Variants in GNLY observed in about 807,000 individuals in gnomAD.
GNLY encodes T-cell activation protein 519.
Under a neutral mutation model 18.5 loss-of-function variants are expected in GNLY, and 15 were observed. The observed-to-expected ratio is 0.81, with a 90% CI of 0.54 to 1.25. The LOEUF is 1.25. Ranked by LOEUF, GNLY falls within the 50% of genes most tolerant of loss-of-function variation. The pLI, the probability that GNLY is intolerant of heterozygous loss-of-function variation, is 0.00. For synonymous variants in GNLY, 77 were observed against 74.9 expected (o/e 1.03, Z -0.14); for missense variants, 178 against 186.9 (o/e 0.95, Z 0.28).
intron 1 of GNLY, chr2:85,694,789 C>T (rs1678373870): frequency 1.4e-6 from 2 of 1,448,130 alleles, no homozygotes; most frequent in Non-Finnish European, 1.8e-6. Flanking sequence ...AGGCCATTGG[C>T]CCTCATCGGT....
chr2:85,695,764 C>T (rs1273879876), intron 2 of GNLY, among the ~76,000 whole-genome samples, 194 bp from the exon 3 acceptor site: 1 of 152,118 alleles, frequency 6.6e-6, no homozygotes, highest in African/African-American at 2.4e-5. Context: ...TGGGGTGTCT[C>T]AGAGCCTCTA....
At chr2:85,696,078 G>A (rs776856779) in intron 3 of GNLY, 22 bp downstream of exon 3, 1 of 1,351,568 alleles carries the variant, frequency 7.4e-7, no homozygotes, top group South Asian at 1.2e-5. Context: ...GGGCTACAGA[G>A]CCTCCTGTCT....
intron 3 of GNLY, 145 bp from the exon 4 acceptor site, chr2:85,697,361 C>T: frequency 1.4e-6 from 1 of 710,098 alleles, no homozygotes; most frequent in Non-Finnish European, 2.4e-6. Flanking sequence ...TGAGCCCCGT[C>T]TGTACAGTCT....
At chr2:85,697,812 G>A in intron 4 of GNLY, 135 bp downstream of exon 4, 1 of 652,330 alleles carries the variant, frequency 1.5e-6, no homozygotes, top group Non-Finnish European at 2.7e-6. Flanking sequence ...ATGGACTTTA[G>A]CTAGAAATGT....
chr2:85,694,738 C>T (rs1678372092), intron 1 of GNLY: 3 of 1,437,646 alleles, frequency 2.1e-6, no homozygotes, highest in African/African-American at 2.9e-5. Context: ...CTGAGACCCC[C>T]CTTTCCCTCC....
chr2:85,697,683 T>C lies in GNLY; in HGVS notation c.427+6T>C. 1 of 1,602,992 alleles carries C rather than the reference T, an allele frequency of 6.2e-7. No homozygotes were observed. Among genetic ancestry groups the C allele is most frequent in the Middle Eastern group, 1.7e-4 (1 of 5,968 alleles). On this transcript the variant is annotated splice_donor_region_variant and intron_variant, in intron 4 of 4. Coordinates refer to ENST00000263863, the MANE Select transcript of GNLY (RefSeq NM_006433.5). ...GTTGTGTATACCTTCTACAGGTGAG[T>C]GCAGAGGTGACAGCAGGGATACCTC...
At position 85,698,684 on chromosome 2, in the gene GNLY, A is replaced by T. The variant is rs1678561488; in HGVS notation, c.*110A>T. 1 of 1,604,536 alleles carries T rather than the reference A, an allele frequency of 6.2e-7. No individual in the cohort carries two copies. Among genetic ancestry groups the T allele is most frequent in the African/African-American group, 1.3e-5 (1 of 74,854 alleles). On this transcript the variant is annotated 3_prime_UTR_variant, in exon 5 of 5. Coordinates refer to ENST00000263863, the MANE Select transcript of GNLY (RefSeq NM_006433.5). Reference sequence around the variant, plus strand: ...TTCCTCGATCCAGAATCCACTCTCCAGTCTCCCTCCCCTGACTCCCTCTGC... The same window carrying T: ...TTCCTCGATCCAGAATCCACTCTCCTGTCTCCCTCCCCTGACTCCCTCTGC...
At chr2:85,697,739 A>T in intron 4 of GNLY, 62 bp downstream of exon 4, 1 of 1,172,046 alleles carries the variant, frequency 8.5e-7, no homozygotes, top group Non-Finnish European at 1.3e-6. Context: ...CCCCCAGGAT[A>T]TATCAAAGCT....
At chr2:85,694,733 A>AC (rs1452925990) in intron 1 of GNLY, 24 of 1,425,060 alleles carry the variant, frequency 1.7e-5, no homozygotes, top group South Asian at 1.2e-4. Flanking sequence ...GTGGCCTGAG[A>AC]CCCCCCTTTC....
chr2:85,695,473 C>T (rs766688955), intron 2 of GNLY, 50 bp downstream of exon 2: 4 of 1,122,852 alleles, frequency 3.6e-6, no homozygotes, highest in Non-Finnish European at 5.4e-6. Context: ...CCTTTCCCTC[C>T]TCCCTGGTGG....
intron 4 of GNLY, chr2:85,698,347 G>T: frequency 1.3e-6 from 1 of 751,084 alleles, no homozygotes; most frequent in East Asian, 2.7e-5. Flanking sequence ...CTGGCAGATC[G>T]GGGGTCCCCA....
intron 2 of GNLY, 86 bp from the exon 3 acceptor site, chr2:85,695,872 G>A (rs1678423729): frequency 2.7e-6 from 2 of 745,736 alleles, no homozygotes; most frequent in African/African-American, 3.5e-5. Context: ...GCCGGCCTCA[G>A]AAACACAAAG....
At chr2:85,695,184 C>T in intron 1 of GNLY, 136 bp from the exon 2 acceptor site, 1 of 809,760 alleles carries the variant, frequency 1.2e-6, no homozygotes, top group Non-Finnish European at 2.1e-6. Context: ...AGCATGTGGA[C>T]AGGTATCCTG....
intron 1 of GNLY, chr2:85,694,844 G>A: frequency 1.3e-6 from 2 of 1,523,010 alleles, no homozygotes; most frequent in Admixed American, 2.1e-5. Flanking sequence ...ATTGTGCGGG[G>A]CTGGTGAGAG....
chr2:85,698,527 C>T (rs199690779), intron 4 of GNLY, 37 bp from the exon 5 acceptor site: 29 of 1,613,116 alleles, frequency 1.8e-5, no homozygotes, highest in Non-Finnish European at 2.5e-5. Flanking sequence ...GAGGACCCAC[C>T]ACATCTGCCC....
At chr2:85,694,651 G>A in intron 1 of GNLY, 181 bp downstream of exon 1, 3 of 1,125,152 alleles carry the variant, frequency 2.7e-6, no homozygotes, top group South Asian at 1.6e-5. Context: ...GTGCTGCCCA[G>A]CCTGTCACTG....
At chr2:85,695,220 C>T (rs1046472597) in intron 1 of GNLY, 100 bp from the exon 2 acceptor site, 2 of 918,956 alleles carry the variant, frequency 2.2e-6, no homozygotes, top group Non-Finnish European at 3.5e-6. Context: ...CAGCTCCTGT[C>T]CTAGGCCCTG....
At chr2:85,694,695 C>G (rs1335900530) in intron 1 of GNLY, 3 of 1,385,026 alleles carry the variant, frequency 2.2e-6, no homozygotes, top group Non-Finnish European at 2.9e-6. Flanking sequence ...GCCAGGGATT[C>G]TGGTCCTAAC....
At chr2:85,696,429 A>G in intron 3 of GNLY, 1 of 189,322 alleles carries the variant, frequency 5.3e-6, no homozygotes, top group Middle Eastern at 2.1e-3. Flanking sequence ...CAGATCTGCT[A>G]CTTCCAAGCT....
Sources: allele counts gnomAD v4.1 joint callset (sites outside exome capture counted in the v4.1 genomes callset), GRCh38; gene constraint gnomAD v4.1.1; transcripts MANE v1.5; gene names NCBI Gene and HGNC (gene_info 2026-07-23, HGNC 2026-07-21).